Variants in RMDN1 observed in about 807,000 individuals in gnomAD.
RMDN1 encodes the protein regulator of microtubule dynamics protein 1.
A neutral mutation model predicts 48.9 loss-of-function variants in RMDN1; 48 were observed. The ratio of observed to expected loss-of-function variants is 0.98; its 90% CI spans 0.78 to 1.25. The LOEUF is 1.25. RMDN1 is among the 50% of genes most tolerant of loss of function. The probability of loss-of-function intolerance (pLI) is 0.00; values close to 1 mark genes in which losing one functional copy is unlikely to be tolerated. For synonymous variants in RMDN1, 148 were observed against 132.6 expected (o/e 1.12, Z -0.80); for missense variants, 418 against 373.4 (o/e 1.12, Z -0.98).
At chr8:86,512,954 AAGAGT>A (rs1362694594), upstream of RMDN1, among the ~76,000 whole-genome samples, 1 of 152,158 alleles carries the variant, frequency 6.6e-6, no homozygotes, top group African/African-American at 2.4e-5. Context: ...TTCTTGGATT[AAGAGT>A]AAAGTTTTTA....
intron 2 of RMDN1, among the ~76,000 whole-genome samples, chr8:86,497,526 C>A (rs1206811099): frequency 1.3e-5 from 2 of 151,122 alleles, no homozygotes; most frequent in Non-Finnish European, 3.0e-5. Context: ...CATGGTGAAA[C>A]CCTGTCTCCA....
chr8:86,478,111 C>G (rs914940091), intron 7 of RMDN1: 1 of 152,122 alleles, frequency 6.6e-6, no homozygotes, highest in Admixed American at 6.6e-5. Context: ...TCTCAAACTC[C>G]CAGGCTCAAC....
At chr8:86,476,509 CTT>C (rs1224383902) in intron 8 of RMDN1, among the ~76,000 whole-genome samples, 2 of 152,138 alleles carry the variant, frequency 1.3e-5, no homozygotes, top group African/African-American at 4.8e-5. Context: ...GCTTATGTCT[CTT>C]ATCTCCCCCA....
chr8:86,510,243 A>G (rs988735678), upstream of RMDN1, among the ~76,000 whole-genome samples: 4 of 152,326 alleles, frequency 2.6e-5, no homozygotes, highest in South Asian at 8.3e-4. Flanking sequence ...TCAGTCTTAG[A>G]AACAAGACAT....
At chr8:86,479,054 C>T in intron 6 of RMDN1, 44 bp from the exon 7 acceptor site, 1 of 1,400,540 alleles carries the variant, frequency 7.1e-7, no homozygotes, top group Non-Finnish European at 1.0e-6. Flanking sequence ...ATTGTACCTT[C>T]TTTTCTCTTA....
intron 2 of RMDN1, chr8:86,504,739 T>C (rs1308772473): frequency 8.9e-6 from 9 of 1,014,644 alleles, no homozygotes; most frequent in Middle Eastern, 2.0e-4. Context: ...TCCTGGTTTA[T>C]TGTGGCCGAA....
chr8:86,511,919 A>G (rs987281803), upstream of RMDN1, among the ~76,000 whole-genome samples: 4 of 152,202 alleles, frequency 2.6e-5, no homozygotes, highest in Non-Finnish European at 5.9e-5. Context: ...ATCAAAATAC[A>G]TAGGAGAAAG....
Position 86,474,332 on chromosome 8 carries a change from A to C in RMDN1, c.921T>G (p.Leu307=). ...KQIQTEAAQL[L]TSFSEKN is the part of the protein sequence containing the mutation. ...CTCAATTCTTCTCACTGAAACTTGTAAGCAACTGAGCAGCTTCTGTCTGTA... is the reference window on the plus strand; with the variant it reads ...CTCAATTCTTCTCACTGAAACTTGTCAGCAACTGAGCAGCTTCTGTCTGTA... The change falls in exon 10 of 10, where the codon CTT becomes CTG. Residue 307 remains leucine, a synonymous_variant. Coordinates refer to ENST00000406452, the MANE Select transcript of RMDN1 (RefSeq NM_016033.3). 1.2e-6 allele frequency: 2 copies of C among 1,613,576 alleles called. No individual in the cohort carries two copies. Among genetic ancestry groups the C allele is most frequent in the Non-Finnish European group, 8.5e-7 (1 of 1,179,634 alleles).
chr8:86,501,778 C>T (rs1276321042), intron 2 of RMDN1, among the ~76,000 whole-genome samples: 1 of 151,982 alleles, frequency 6.6e-6, no homozygotes. Context: ...AAGACTTGTC[C>T]TAACTATTTT....
intron 1 of RMDN1, 63 bp from the exon 2 acceptor site, chr8:86,507,175 G>A: frequency 1.1e-6 from 1 of 942,498 alleles, no homozygotes; most frequent in East Asian, 2.4e-5. Context: ...GCTACCCCAA[G>A]CAAAAATTAC....
At chr8:86,507,669 CAATTTGA>C (rs1819606463) in intron 1 of RMDN1, among the ~76,000 whole-genome samples, 1 of 150,284 alleles carries the variant, frequency 6.7e-6, no homozygotes, top group Non-Finnish European at 1.5e-5. Flanking sequence ...ATCATTGTTC[CAATTTGA>C]AAACTTACGG....
intron 2 of RMDN1, among the ~76,000 whole-genome samples, chr8:86,490,120 C>T (rs1035483054): frequency 2.6e-5 from 4 of 152,160 alleles, no homozygotes; most frequent in Non-Finnish European, 5.9e-5. Flanking sequence ...ATATTTTTAT[C>T]GGATACGTGG....
intron 2 of RMDN1, among the ~76,000 whole-genome samples, chr8:86,500,430 T>G (rs1818019003): frequency 6.6e-6 from 1 of 151,760 alleles, no homozygotes; most frequent in Non-Finnish European, 1.5e-5. Flanking sequence ...AAAAAATGTT[T>G]CACATCACTA....
intron 2 of RMDN1, among the ~76,000 whole-genome samples, chr8:86,500,039 G>A (rs1277482298): frequency 2.0e-5 from 3 of 151,884 alleles, no homozygotes; most frequent in South Asian, 2.1e-4. Context: ...AACTCAAAAT[G>A]GATTAAAGAC....
Position 86,486,531 on chromosome 8 carries a change from C to T in RMDN1, c.448G>A (p.Ala150Thr), listed in dbSNP as rs1361567504. ...TCATTTTTTTCTAGTGCTCTTTTTGCATACTCTAGGGCTTCATACACCAAT... is the reference window on the plus strand; with the variant it reads ...TCATTTTTTTCTAGTGCTCTTTTTGTATACTCTAGGGCTTCATACACCAAT... ...KLLVYEALEY[A>T]KRALEKNESS... The change falls in exon 4 of 10, where the codon GCA becomes ACA. Residue 150 changes from alanine to threonine, a missense_variant. Transcript: ENST00000406452. 3.1e-6 allele frequency: 5 copies of T among 1,602,044 alleles called. No individual in the cohort carries two copies. Among genetic ancestry groups the T allele is most frequent in the East Asian group, 4.5e-5 (2 of 44,690 alleles).
Position 86,508,489 on chromosome 8 carries a change from T to C in RMDN1, c.129+3A>G, listed in dbSNP as rs1190670671. The stretch of plus-strand genomic sequence containing the variant: ...GGAGCGGGAGCCAGGACCACGGGGG[T>C]ACCTCGAAGCCGCGGAATCGACAGG... On this transcript the variant is annotated splice_donor_region_variant and intron_variant, in intron 1 of 9. Transcript: ENST00000406452. 6 of 1,544,680 alleles carry C rather than the reference T, an allele frequency of 3.9e-6. No individual in the cohort carries two copies. The highest frequency in any genetic ancestry group is 5.2e-6 in the Non-Finnish European group (6 of 1,145,290).
intron 2 of RMDN1, among the ~76,000 whole-genome samples, chr8:86,494,448 A>G (rs1197331776): frequency 6.6e-6 from 1 of 151,922 alleles, no homozygotes; most frequent in Non-Finnish European, 1.5e-5. Flanking sequence ...CCCAGCTACT[A>G]GGGAGGCCGA....
At chr8:86,481,013 CATT>C (rs1346853870) in intron 5 of RMDN1, among the ~76,000 whole-genome samples, 3 of 151,974 alleles carry the variant, frequency 2.0e-5, no homozygotes, top group Non-Finnish European at 4.4e-5. Flanking sequence ...TCCTTTTATC[CATT>C]ATTTTGTTGA....
chr8:86,501,870 G>T (rs1376431880), intron 2 of RMDN1, among the ~76,000 whole-genome samples: 1 of 150,964 alleles, frequency 6.6e-6, no homozygotes, highest in African/African-American at 2.4e-5. Flanking sequence ...AAATCATTCA[G>T]CCAGTAACAA....
Sources: gnomAD v4.1 joint callset for allele counts (sites outside exome capture counted in the v4.1 genomes callset) on GRCh38, gnomAD v4.1.1 for gene constraint, MANE v1.5 for transcripts, NCBI Gene and HGNC (gene_info 2026-07-23, HGNC 2026-07-21) for gene names.